The following DUSP10 variants were observed in gnomAD, a reference collection of about 807,000 sequenced individuals.
The protein encoded by DUSP10 is dual specificity protein phosphatase 10.
DUSP10 carries 14 observed loss-of-function variants against 30.8 expected under a neutral mutation model. That is an observed-to-expected ratio of 0.46 (90% CI 0.30 to 0.71). The LOEUF (loss-of-function observed/expected upper bound fraction) is 0.71, where lower values mean the gene tolerates loss of function less well. Among genes scored for constraint, DUSP10 ranks in the 30% least tolerant of loss-of-function variants. The pLI is 0.08. For missense variants in DUSP10, 550 were observed against 619.4 expected, an observed-to-expected ratio of 0.89 and a Z score of 1.19; for synonymous variants, 254 against 250.4, an observed-to-expected ratio of 1.01 and a Z score of -0.14.
At chr1:221,705,376 G>A (rs1488864754) in intron 3 of DUSP10, among the ~76,000 whole-genome samples, 3 of 152,168 alleles carry the variant, frequency 2.0e-5, no homozygotes, top group Non-Finnish European at 4.4e-5. Context: ...CTCCCAATGT[G>A]CTGGGATTAC....
chr1:221,735,198 A>T (rs1369310027), intron 2 of DUSP10, among the ~76,000 whole-genome samples: 1 of 152,206 alleles, frequency 6.6e-6, no homozygotes, highest in Non-Finnish European at 1.5e-5. Context: ...CCTTTGGTAC[A>T]GAGCAGTCCT....
At chr1:221,712,111 A>G (rs1660954077) in intron 2 of DUSP10, among the ~76,000 whole-genome samples, 1 of 152,200 alleles carries the variant, frequency 6.6e-6, no homozygotes, top group Non-Finnish European at 1.5e-5. Flanking sequence ...TATACTCCAT[A>G]GATGTGATTG....
chr1:221,702,290 G>A lies in DUSP10; in HGVS notation c.*122C>T. The A allele has an allele frequency of 8.7e-7, 1 of 1,143,964 alleles. No individual in the cohort carries two copies. The highest frequency in any genetic ancestry group is 1.2e-6 in the Non-Finnish European group (1 of 807,370). 70.9% of individuals were successfully genotyped at this position (1,143,964 alleles called of 1,614,324 possible). ...AAAAATAAAGTGTTTAAACAAGTTTGTTTCCATTCACAAACTTACTCCCAA... is the reference window on the plus strand; with the variant it reads ...AAAAATAAAGTGTTTAAACAAGTTTATTTCCATTCACAAACTTACTCCCAA... On this transcript the variant is annotated 3_prime_UTR_variant, in exon 4 of 4. Coordinates refer to ENST00000366899, the MANE Select transcript of DUSP10 (RefSeq NM_007207.6). The surrounding 1 kb of genome is among the most constrained non-coding windows in gnomAD (Gnocchi z 4.5).
intron 2 of DUSP10, among the ~76,000 whole-genome samples, chr1:221,728,764 A>T (rs558919527): frequency 1.6e-4 from 25 of 152,366 alleles, no homozygotes; most frequent in Admixed American, 5.9e-4. Flanking sequence ...GGATGTAGTC[A>T]TCATACTCGT....
rs140883523 is a variant in DUSP10 at position 221,703,947 on chromosome 1, T to C, written c.1184-1270A>G. ...ATAGTCAACAGTATTTCAAGAAAAG[T>C]AAGCATCTCTCTTTTTCAACTTTTT... On this transcript the variant is annotated intron_variant, in intron 3 of 3. Coordinates refer to ENST00000366899, the MANE Select transcript of DUSP10 (RefSeq NM_007207.6). Among the ~76,000 whole-genome samples the C allele has an allele frequency of 1.6e-4, 24 of 152,332 alleles. No homozygotes were observed. In the Middle Eastern group the frequency reaches 0.014, roughly 86 times the overall value.
intron 2 of DUSP10, among the ~76,000 whole-genome samples, chr1:221,709,041 C>G (rs956157480): frequency 6.6e-6 from 1 of 151,746 alleles, no homozygotes; most frequent in Admixed American, 6.6e-5. Context: ...TAGAAAACCC[C>G]ACACACAGAA....
intron 2 of DUSP10, among the ~76,000 whole-genome samples, chr1:221,729,338 G>C (rs1363098490): frequency 6.6e-6 from 1 of 152,140 alleles, no homozygotes; most frequent in African/African-American, 2.4e-5. Flanking sequence ...AATGGGGAAA[G>C]GAAGATGGCA....
At chr1:221,729,901 A>G (rs1488157425) in intron 2 of DUSP10, among the ~76,000 whole-genome samples, 1 of 152,222 alleles carries the variant, frequency 6.6e-6, no homozygotes, top group Non-Finnish European at 1.5e-5. Flanking sequence ...CCCTCTTAGA[A>G]GTTTGTGTCT....
rs1381439683 is a variant in DUSP10, at chr1:221,737,092, C to T, written c.811+1842G>A. ...AGTAGCACCCAGGAGATTCATTTCT[C>T]AATGACTGATGGGTCACCCCTATCC... On this transcript the variant is annotated intron_variant, in intron 2 of 3. Coordinates refer to ENST00000366899, the MANE Select transcript of DUSP10 (RefSeq NM_007207.6). The T allele has an allele frequency of 8.1e-6, 8 of 985,326 alleles. No individual in the cohort carries two copies. The African/African-American group carries it at 8.7e-5, about 11-fold the overall frequency. The allele number at this position is 985,326 out of a possible 1,614,324, so 61.0% of individuals were successfully genotyped here. A position where few individuals can be genotyped will look rare whatever the true frequency, so the allele number is the denominator to read the frequency against.
chr1:221,737,294 A>C, intron 2 of DUSP10: 23 of 985,444 alleles, frequency 2.3e-5, no homozygotes, highest in Non-Finnish European at 2.7e-5. Context: ...AGAGGAGATC[A>C]TCATGATCAT....
chr1:221,737,194 A>T (rs1571833972), intron 2 of DUSP10: 1 of 985,462 alleles, frequency 1.0e-6, no homozygotes, highest in East Asian at 1.1e-4. Flanking sequence ...GAGGTCTAGG[A>T]TCATCTTGAT....
At chr1:221,705,973 T>TA in intron 3 of DUSP10, 122 bp downstream of exon 3, 1 of 1,401,722 alleles carries the variant, frequency 7.1e-7, no homozygotes, top group Non-Finnish European at 9.6e-7. Flanking sequence ...GGCAGAGCCC[T>TA]CCAAAACTCC....
rs1456274271 is a variant in DUSP10, at chr1:221,739,055, G to T, written c.690C>A (p.Ser230=). The T allele has an allele frequency of 6.2e-7, 1 of 1,614,026 alleles. No homozygotes were observed. The highest frequency in any genetic ancestry group is 1.3e-5 in the African/African-American group (1 of 74,896). The change falls in exon 2 of 4, where the codon TCC becomes TCA. Residue 230 remains serine, a synonymous_variant. Coordinates refer to ENST00000366899, the MANE Select transcript of DUSP10 (RefSeq NM_007207.6). ...TCTCATCATAAACTATAATTTCTTTGGAAAAGATCCTCTTGAAAGAGTCCT... is the reference window on the plus strand; with the variant it reads ...TCTCATCATAAACTATAATTTCTTTTGAAAAGATCCTCTTGAAAGAGTCCT... The part of the protein sequence containing the change: ...EGKDSFKRIF[S]KEIIVYDENT...
chr1:221,703,274 C>T (rs574958114), intron 3 of DUSP10, among the ~76,000 whole-genome samples: 8 of 151,784 alleles, frequency 5.3e-5, no homozygotes, highest in Non-Finnish European at 1.0e-4. Flanking sequence ...TTCCAATTTT[C>T]GGTTGTGTGA....
intron 2 of DUSP10, among the ~76,000 whole-genome samples, chr1:221,721,948 A>G (rs1431952668): frequency 6.6e-6 from 1 of 152,204 alleles, no homozygotes; most frequent in African/African-American, 2.4e-5. Context: ...AGATGTGGTA[A>G]GCAGTAACAG....
At chr1:221,727,465 A>G (rs569855843) in intron 2 of DUSP10, among the ~76,000 whole-genome samples, 1 of 152,346 alleles carries the variant, frequency 6.6e-6, no homozygotes, top group Admixed American at 6.5e-5. Flanking sequence ...ATCAGTTTCT[A>G]TGTCTGTAAA....
At chr1:221,737,456 A>G (rs1661811655) in intron 2 of DUSP10, 7 of 985,384 alleles carry the variant, frequency 7.1e-6, no homozygotes, top group Non-Finnish European at 8.4e-6. Flanking sequence ...AGTCAACCAT[A>G]CAAGAATACA....
chr1:221,731,005 T>A (rs1661574027), intron 2 of DUSP10, among the ~76,000 whole-genome samples: 1 of 152,148 alleles, frequency 6.6e-6, no homozygotes, highest in Non-Finnish European at 1.5e-5. Context: ...AATGTATATT[T>A]TTAAATCTTT....
chr1:221,704,617 G>A (rs1484649668), intron 3 of DUSP10, among the ~76,000 whole-genome samples: 1 of 152,196 alleles, frequency 6.6e-6, no homozygotes, highest in Admixed American at 6.5e-5. Flanking sequence ...AGTGTTGCCA[G>A]TTGGGAATTA....
Sources: gnomAD v4.1 joint callset for allele counts (sites outside exome capture counted in the v4.1 genomes callset) on GRCh38, gnomAD v4.1.1 for gene constraint, Gnocchi (gnomAD v3.1) non-coding constraint, MANE v1.5 for transcripts, NCBI Gene and HGNC (gene_info 2026-07-23, HGNC 2026-07-21) for gene names.